Variants in RAPGEF2 observed in about 807,000 individuals in gnomAD.
The protein encoded by RAPGEF2 is Rap guanine nucleotide exchange factor 2, also known as PDZ domain containing guanine nucleotide exchange factor (GEF) 1.
A neutral mutation model predicts 186.7 loss-of-function variants in RAPGEF2; 54 were observed. The ratio of observed to expected loss-of-function variants is 0.29; its 90% CI spans 0.23 to 0.36. The LOEUF (loss-of-function observed/expected upper bound fraction) is 0.36, where lower values mean the gene tolerates loss of function less well. Ranked by LOEUF, RAPGEF2 falls within the 10% of genes least tolerant of loss-of-function variation. RAPGEF2 has a pLI of 1.00. For synonymous variants in RAPGEF2, 712 were observed against 705.9 expected, an observed-to-expected ratio of 1.01 and a Z score of -0.14; for missense variants, 1,532 against 2,045.0, an observed-to-expected ratio of 0.75 and a Z score of 4.84.
At chr4:159,113,970 T>C (rs1738773880) in intron 1 of RAPGEF2, among the ~76,000 whole-genome samples, 2 of 150,646 alleles carry the variant, frequency 1.3e-5, no homozygotes, top group South Asian at 4.1e-4. Flanking sequence ...ATTTTATTTA[T>C]TTTTGCAACA....
At chr4:159,324,925 T>A (rs1021169383) in intron 11 of RAPGEF2, among the ~76,000 whole-genome samples, 1 of 132,980 alleles carries the variant, frequency 7.5e-6, no homozygotes, top group African/African-American at 2.6e-5. Flanking sequence ...AACAACCAAA[T>A]GATGTGACTT....
At chr4:159,108,941 A>C (rs1394831555) in intron 1 of RAPGEF2, among the ~76,000 whole-genome samples, 2 of 152,032 alleles carry the variant, frequency 1.3e-5, no homozygotes, top group Non-Finnish European at 2.9e-5. Flanking sequence ...CTGGTCATGA[A>C]GTCCTGGGCA....
intron 7 of RAPGEF2, chr4:159,282,637 C>A (rs1759878742): frequency 2.2e-6 from 1 of 450,026 alleles, no homozygotes; most frequent in African/African-American, 2.0e-5. Context: ...GAGACTACAT[C>A]ATGGTATGTA....
At chr4:159,330,645 A>C (rs1766563396) in intron 13 of RAPGEF2, 147 bp downstream of exon 13, 1 of 534,508 alleles carries the variant, frequency 1.9e-6, no homozygotes, top group South Asian at 3.1e-5. Flanking sequence ...ACAAAAAAAC[A>C]AAAAAAAAGG....
intron 1 of RAPGEF2, among the ~76,000 whole-genome samples, chr4:159,140,052 C>G (rs555961044): frequency 6.6e-6 from 1 of 152,256 alleles, no homozygotes; most frequent in South Asian, 2.1e-4. Flanking sequence ...TGGTCTTTTT[C>G]ATTACTGCTA....
At position 159,350,242 on chromosome 4, in the gene RAPGEF2, C is replaced by T. The variant is rs200253018; in HGVS notation, c.3818C>T (p.Ser1273Leu). Residue 1273 changes from serine to leucine, a missense_variant, in exon 26 of 30, where the codon TCG (serine) becomes TTG (leucine). Physicochemically the swap from Ser to Leu is moderately radical, Grantham distance 145 (BLOSUM62 -2). Transcript: ENST00000691494. ...GAAGATACAATATCAAATGCATCTT[C>T]GCAGCTTTCTTCTCCTCCTACTTCT... ...QAEDTISNAS[S>L]QLSSPPTSPQ... The T allele has an allele frequency of 8.2e-5, 131 of 1,599,440 alleles. No individual in the cohort carries two copies. Among genetic ancestry groups the T allele is most frequent in the Non-Finnish European group, 1.1e-4 (124 of 1,173,138 alleles).
intron 12 of RAPGEF2, 83 bp from the exon 13 acceptor site, chr4:159,330,245 ATGTGTG>A: frequency 8.1e-6 from 7 of 868,696 alleles, no homozygotes; most frequent in Non-Finnish European, 1.2e-5. Context: ...AATGTCATAT[ATGTGTG>A]TGTGTATATG....
intron 28 of RAPGEF2, 33 bp from the exon 29 acceptor site, chr4:159,355,820 G>GT: frequency 6.6e-7 from 1 of 1,510,772 alleles, no homozygotes; most frequent in Non-Finnish European, 8.9e-7. Flanking sequence ...GCATGAACTA[G>GT]TTTTTAATGC....
At chr4:159,113,538 C>A (rs1018509955) in intron 1 of RAPGEF2, among the ~76,000 whole-genome samples, 3 of 151,832 alleles carry the variant, frequency 2.0e-5, no homozygotes, top group Admixed American at 2.0e-4. Flanking sequence ...GTCGGGAATT[C>A]GAGTTGAGCC....
intron 19 of RAPGEF2, among the ~76,000 whole-genome samples, chr4:159,340,342 C>T (rs1048233081): frequency 6.6e-6 from 1 of 152,088 alleles, no homozygotes; most frequent in African/African-American, 2.4e-5. Context: ...CATTTCAATG[C>T]ACATTGATAT....
At chr4:159,183,898 C>A (rs987558742) in intron 1 of RAPGEF2, among the ~76,000 whole-genome samples, 2 of 152,148 alleles carry the variant, frequency 1.3e-5, no homozygotes, top group Admixed American at 6.5e-5. Context: ...CCCCTCCTCT[C>A]ACCCCATGAC....
At chr4:159,249,345 T>G (rs1041228732) in intron 7 of RAPGEF2, among the ~76,000 whole-genome samples, 2 of 150,942 alleles carry the variant, frequency 1.3e-5, no homozygotes, top group Non-Finnish European at 2.9e-5. Flanking sequence ...CTGCCAGTGC[T>G]GAATTGATCT....
intron 3 of RAPGEF2, among the ~76,000 whole-genome samples, chr4:159,195,150 G>A (rs983891315): frequency 7.2e-5 from 11 of 152,146 alleles, no homozygotes; most frequent in Admixed American, 3.3e-4. Flanking sequence ...ATATAGAGTC[G>A]TAAATAATCA....
At chr4:159,124,284 A>G (rs1425241322) in intron 1 of RAPGEF2, among the ~76,000 whole-genome samples, 1 of 151,898 alleles carries the variant, frequency 6.6e-6, no homozygotes, top group Non-Finnish European at 1.5e-5. Context: ...TCATGCCTGT[A>G]ATACCAGCAC....
chr4:159,104,150 TCCCAGAGGGGAG>T lies in RAPGEF2; in HGVS notation c.-12_-1del. 6.6e-7 allele frequency: 1 copy of T among 1,518,844 alleles called. No individual in the cohort carries two copies. Among genetic ancestry groups the T allele is most frequent in the Non-Finnish European group, 8.8e-7 (1 of 1,137,510 alleles). The allele number at this position is 1,518,844 out of a possible 1,614,324, so 94.1% of individuals were successfully genotyped here. A position where few individuals can be genotyped will look rare whatever the true frequency, so the allele number is the denominator to read the frequency against. On this transcript the variant is annotated 5_prime_UTR_variant, in exon 1 of 30. Coordinates refer to ENST00000691494, the MANE Select transcript of RAPGEF2 (RefSeq NM_001394067.2). Reference sequence around the variant, plus strand: ...AGGGTGCGGAGCGGCCCCGGCCCGCTCCCAGAGGGGAGATGGCGTCCTACGTAGATAACAGCT... The same window carrying T: ...AGGGTGCGGAGCGGCCCCGGCCCGCTATGGCGTCCTACGTAGATAACAGCT...
intron 4 of RAPGEF2, among the ~76,000 whole-genome samples, chr4:159,232,215 C>T (rs894146234): frequency 2.0e-5 from 3 of 152,188 alleles, no homozygotes; most frequent in Non-Finnish European, 4.4e-5. Flanking sequence ...TGTTGTGCCA[C>T]TAGTGGCGCT....
chr4:159,131,992 G>A (rs1579268163), intron 1 of RAPGEF2, among the ~76,000 whole-genome samples: 1 of 152,058 alleles, frequency 6.6e-6, no homozygotes, highest in East Asian at 1.9e-4. Context: ...GATTTTAATG[G>A]GTATATTGTT....
At chr4:159,352,108 A>G (rs1263312963) in intron 26 of RAPGEF2, among the ~76,000 whole-genome samples, 2 of 152,256 alleles carry the variant, frequency 1.3e-5, no homozygotes, top group African/African-American at 4.8e-5. Flanking sequence ...AACTCCTTCA[A>G]AACGATTGGC....
chr4:159,244,129 A>G (rs1030805191), intron 7 of RAPGEF2, among the ~76,000 whole-genome samples: 3 of 152,000 alleles, frequency 2.0e-5, no homozygotes, highest in Non-Finnish European at 4.4e-5. Flanking sequence ...AGGCAGACAT[A>G]AAGGATTTTT....
Sources: gnomAD v4.1 joint callset for allele counts (sites outside exome capture counted in the v4.1 genomes callset) on GRCh38, gnomAD v4.1.1 for gene constraint, MANE v1.5 for transcripts, NCBI Gene and HGNC (gene_info 2026-07-23, HGNC 2026-07-21) for gene names.